Variants in RNGTT observed in about 807,000 individuals in gnomAD.
RNGTT encodes RNA guanylyltransferase and 5'-phosphatase.
RNGTT carries 33 observed loss-of-function variants against 79.3 expected under a neutral mutation model. The ratio of observed to expected loss-of-function variants is 0.42; its 90% CI spans 0.32 to 0.56. The LOEUF is 0.56. Among genes scored for constraint, RNGTT ranks in the 20% least tolerant of loss-of-function variants. The pLI, the probability that RNGTT is intolerant of heterozygous loss-of-function variation, is 0.17. For synonymous variants in RNGTT, 222 were observed against 235.9 expected, an observed-to-expected ratio of 0.94 and a Z score of 0.54; for missense variants, 497 against 739.1, an observed-to-expected ratio of 0.67 and a Z score of 3.80.
At chr6:88,722,323 C>T (rs1043396300) in intron 13 of RNGTT, among the ~76,000 whole-genome samples, 11 of 151,956 alleles carry the variant, frequency 7.2e-5, no homozygotes, top group African/African-American at 2.7e-4. Flanking sequence ...TCAGCTACAA[C>T]ATGTAACAGA....
chr6:88,697,107 T>C (rs989086894), intron 13 of RNGTT, among the ~76,000 whole-genome samples: 4 of 152,288 alleles, frequency 2.6e-5, no homozygotes, highest in South Asian at 2.1e-4. Context: ...TTCAGCTTCA[T>C]AGAACTCTCT....
intron 1 of RNGTT, among the ~76,000 whole-genome samples, chr6:88,959,547 T>C (rs1171796978): frequency 6.6e-6 from 1 of 152,166 alleles, no homozygotes; most frequent in Non-Finnish European, 1.5e-5. Flanking sequence ...TCAAGTTCTG[T>C]CCATTTTCCC....
rs1290400933 is a variant in RNGTT at position 88,904,965 on chromosome 6, AC to A, written c.444-11del. 2 of 1,611,078 alleles carry A rather than the reference AC, an allele frequency of 1.2e-6. No homozygotes were observed. The highest frequency in any genetic ancestry group is 1.7e-6 in the Non-Finnish European group (2 of 1,178,502). On this transcript the variant is annotated splice_polypyrimidine_tract_variant and intron_variant, in intron 5 of 15. Transcript: ENST00000369485. ...AACTGCTGCTTCGATACTATAGGAA[AC>A]AAACACCATGCAATTTCCTCGCTAT...
chr6:88,935,203 G>A (rs1301838209), intron 2 of RNGTT, among the ~76,000 whole-genome samples: 1 of 152,092 alleles, frequency 6.6e-6, no homozygotes, highest in African/African-American at 2.4e-5. Flanking sequence ...CCCAATGTAT[G>A]TTCTTGGTGC....
chr6:88,898,472 T>C (rs1783326835), intron 6 of RNGTT, among the ~76,000 whole-genome samples: 1 of 152,108 alleles, frequency 6.6e-6, no homozygotes, highest in African/African-American at 2.4e-5. Context: ...TTCCAAGATC[T>C]CTAATTTGTT....
chr6:88,784,337 T>C (rs1259059315), intron 12 of RNGTT, among the ~76,000 whole-genome samples: 1 of 152,030 alleles, frequency 6.6e-6, no homozygotes, highest in African/African-American at 2.4e-5. Context: ...GTAAGAGAAA[T>C]GGTAATGTTT....
At chr6:88,896,658 G>A (rs1469269483) in intron 6 of RNGTT, among the ~76,000 whole-genome samples, 1 of 152,150 alleles carries the variant, frequency 6.6e-6, no homozygotes, top group Non-Finnish European at 1.5e-5. Context: ...CAGTGCCTGA[G>A]TTCCACTAAT....
chr6:88,659,731 AGG>A (rs1261317473), intron 14 of RNGTT, among the ~76,000 whole-genome samples: 1 of 152,196 alleles, frequency 6.6e-6, no homozygotes, highest in Non-Finnish European at 1.5e-5. Context: ...AACTTATTTG[AGG>A]GAATAGTCAA....
chr6:88,793,940 CTAAAA>C (rs1779505695), intron 12 of RNGTT, among the ~76,000 whole-genome samples: 1 of 152,060 alleles, frequency 6.6e-6, no homozygotes, highest in Non-Finnish European at 1.5e-5. Context: ...TTTTAGGAAA[CTAAAA>C]TAAAAGAGTT....
At chr6:88,682,299 G>A (rs975044787) in intron 13 of RNGTT, among the ~76,000 whole-genome samples, 5 of 152,060 alleles carry the variant, frequency 3.3e-5, no homozygotes, top group African/African-American at 1.2e-4. Flanking sequence ...TTTTTAAATT[G>A]CAACAAAATA....
intron 1 of RNGTT, among the ~76,000 whole-genome samples, chr6:88,958,923 A>AATTTGCAATTTGCAAATTTTG (rs1336636786): frequency 1.3e-5 from 2 of 152,238 alleles, no homozygotes; most frequent in African/African-American, 4.8e-5. Flanking sequence ...TTACAGCAGC[A>AATTTGCAATTTGCAAATTTTG]CAATTTGCAA....
chr6:88,722,226 G>A (rs1005019510), intron 13 of RNGTT, among the ~76,000 whole-genome samples: 1 of 151,808 alleles, frequency 6.6e-6, no homozygotes, highest in African/African-American at 2.4e-5. Context: ...CTAGTCACTT[G>A]TATTTTTTCA....
intron 14 of RNGTT, among the ~76,000 whole-genome samples, chr6:88,650,895 T>C (rs189544494): frequency 6.6e-6 from 1 of 152,256 alleles, no homozygotes; most frequent in East Asian, 1.9e-4. Flanking sequence ...CCAAACAGGA[T>C]GCTCTGGGAA....
Position 88,858,207 on chromosome 6 carries a change from T to C in RNGTT, c.897-4443A>G, listed in dbSNP as rs528444586. Among the ~76,000 whole-genome samples the C allele has an allele frequency of 2.6e-5, 4 of 152,290 alleles. No individual in the cohort carries two copies. In the East Asian group the frequency reaches 7.7e-4, roughly 29 times the overall value. On this transcript the variant is annotated intron_variant, in intron 8 of 15. Coordinates refer to ENST00000369485, the MANE Select transcript of RNGTT (RefSeq NM_003800.5). Reference sequence around the variant, plus strand: ...TTTTCCTAGCCCCTATCAAACTTATTATGGCTTTTCTCTTAAATTTTTTAA... The same window carrying C: ...TTTTCCTAGCCCCTATCAAACTTATCATGGCTTTTCTCTTAAATTTTTTAA...
chr6:88,843,548 CTTTTTTTTTTTT>C (rs11312733), intron 11 of RNGTT, among the ~76,000 whole-genome samples: 3 of 66,634 alleles, frequency 4.5e-5, no homozygotes, highest in Non-Finnish European at 8.4e-5. Context: ...TAGTATGATT[CTTTTTTTTTTTT>C]TTTTTTTTTT....
chr6:88,946,294 G>A (rs935239469), intron 1 of RNGTT, among the ~76,000 whole-genome samples: 3 of 152,130 alleles, frequency 2.0e-5, no homozygotes, highest in African/African-American at 4.8e-5. Context: ...GGAGTGCCAT[G>A]AACAACACCC....
intron 14 of RNGTT, among the ~76,000 whole-genome samples, chr6:88,630,714 C>CT (rs3839425): frequency 0.013 from 1,948 of 146,754 alleles, 32 homozygotes; most frequent in African/African-American, 0.042. Context: ...ACATCTGAGA[C>CT]TTTTTTTTTT....
At chr6:88,685,154 G>A (rs1775230160) in intron 13 of RNGTT, among the ~76,000 whole-genome samples, 1 of 152,102 alleles carries the variant, frequency 6.6e-6, no homozygotes, top group South Asian at 2.1e-4. Flanking sequence ...AGGAACAAAT[G>A]GATGTTGCAC....
At chr6:88,846,757 CAAA>C (rs200193188) in intron 10 of RNGTT, among the ~76,000 whole-genome samples, 9 of 113,670 alleles carry the variant, frequency 7.9e-5, no homozygotes, top group Non-Finnish European at 9.4e-5. Context: ...AAGACTGTCT[CAAA>C]AAAAAAAAAA....
Sources: allele counts gnomAD v4.1 joint callset (sites outside exome capture counted in the v4.1 genomes callset), GRCh38; gene constraint gnomAD v4.1.1; transcripts MANE v1.5; gene names NCBI Gene and HGNC (gene_info 2026-07-23, HGNC 2026-07-21).